ATP8B2: variants seen among roughly 807,000 people sequenced by gnomAD.
ATP8B2 encodes the protein phospholipid-transporting ATPase ID.
Under a neutral mutation model 133.4 loss-of-function variants are expected in ATP8B2, and 70 were observed. The observed-to-expected ratio is 0.52, with a 90% confidence interval of 0.43 to 0.64. The LOEUF is 0.64. ATP8B2 is among the 30% of genes least tolerant of loss of function. The pLI is 0.00. For synonymous variants in ATP8B2, 517 were observed against 589.5 expected, an observed-to-expected ratio of 0.88 and a Z score of 1.78; for missense variants, 1,101 against 1,535.7, an observed-to-expected ratio of 0.72 and a Z score of 4.73.
intron 2 of ATP8B2, 91 bp from the exon 3 acceptor site, chr1:154,330,305 T>C (rs913191831): frequency 8.8e-7 from 1 of 1,142,466 alleles, no homozygotes; most frequent in African/African-American, 1.6e-5. Context: ...CTTAAAATGA[T>C]ATTCTGTGGA....
rs1470438993 is a variant in ATP8B2 at position 154,344,605 on chromosome 1, T to C, written c.2142-36T>C. 3 of 1,607,664 alleles carry C rather than the reference T, an allele frequency of 1.9e-6. No homozygotes were observed. The South Asian group carries it at 3.3e-5, about 18-fold the overall frequency. On this transcript the variant is annotated intron_variant, in intron 20 of 27. Transcript: ENST00000368489. This position sits in a 1 kb window ranked among gnomAD's most constrained non-coding sequence, Gnocchi z 4.1. ...GAATCCCTGCTCCCCACTGCCGTTC[T>C]GGAAGACCACAACCGTATCATTTCC...
chr1:154,332,128 A>G, intron 8 of ATP8B2, 104 bp downstream of exon 8: 1 of 1,186,822 alleles, frequency 8.4e-7, no homozygotes, highest in South Asian at 1.3e-5. Flanking sequence ...TGAATTTGGA[A>G]AAATTAGGGG....
chr1:154,339,159 A>G (rs146414286), intron 12 of ATP8B2, among the ~76,000 whole-genome samples: 18 of 152,304 alleles, frequency 1.2e-4, no homozygotes, highest in Admixed American at 3.3e-4. Context: ...CCAGCCCCCA[A>G]TCTTACTGCT....
intron 26 of ATP8B2, among the ~76,000 whole-genome samples, chr1:154,347,506 G>A (rs1288496151): frequency 1.3e-5 from 2 of 152,130 alleles, no homozygotes; most frequent in African/African-American, 2.4e-5. Flanking sequence ...TTAAAGGGCC[G>A]CTCTTACAGT....
chr1:154,333,745 G>A lies in ATP8B2; in HGVS notation c.590-362G>A, dbSNP rs908662833. Among the ~76,000 whole-genome samples the A allele has an allele frequency of 3.6e-4, 54 of 148,312 alleles. 1 individual carries two copies. The highest frequency in any genetic ancestry group is 1.3e-3 in the African/African-American group (52 of 40,182). ...TACCTCCCAGGTTCAAGCGATCCTC[G>A]TGCCTCAGCCTCCCGATTAGCTAGA... On this transcript the variant is annotated intron_variant, in intron 9 of 27. Coordinates refer to ENST00000368489, the MANE Select transcript of ATP8B2 (RefSeq NM_001370597.1).
intron 15 of ATP8B2, 38 bp downstream of exon 15, chr1:154,342,999 C>T: frequency 6.2e-7 from 1 of 1,608,766 alleles, no homozygotes; most frequent in Middle Eastern, 1.7e-4. Context: ...CCTGACCTGA[C>T]TCTGCCCTTG....
rs1685762428 is a variant in ATP8B2, at chr1:154,325,713, G to A, written c.-38+11G>A. The A allele has an allele frequency of 6.5e-6, 1 of 152,836 alleles. No individual in the cohort carries two copies. Among genetic ancestry groups the A allele is most frequent in the Non-Finnish European group, 1.5e-5 (1 of 68,638 alleles). The allele number at this position is 152,836 out of a possible 1,614,324, so 9.5% of individuals were successfully genotyped here. On this transcript the variant is annotated intron_variant, in intron 1 of 27. Coordinates refer to ENST00000368489, the MANE Select transcript of ATP8B2 (RefSeq NM_001370597.1). ...GCGCTGAGCGCTGAGGTGAGGCGAG[G>A]CGAGGCGAAGCGGGGGCGCCCGGGA...
chr1:154,335,353 A>G (rs1367847510), intron 11 of ATP8B2, among the ~76,000 whole-genome samples: 1 of 152,262 alleles, frequency 6.6e-6, no homozygotes, highest in Middle Eastern at 3.4e-3. Flanking sequence ...CTGGTTTTTT[A>G]CCAGTCTCTC....
In ATP8B2 at chr1:154,346,695, A is replaced by G. The variant is rs1461633686; in HGVS notation, c.3100A>G (p.Ile1034Val). ...GGGAAGCCTTGCTGTTTACTTTGCCATCCTCTTTGCCATGCACAGCAATGG... is the reference window on the plus strand; with the variant it reads ...GGGAAGCCTTGCTGTTTACTTTGCCGTCCTCTTTGCCATGCACAGCAATGG... The part of the protein sequence containing the change: ...IWGSLAVYFA[I>V]LFAMHSNGLF... The change falls in exon 26 of 28, where the codon ATC becomes GTC. Residue 1034 changes from isoleucine to valine, a missense_variant. By Grantham distance (29) the Ile-to-Val change is conservative. Transcript: ENST00000368489. The surrounding 1 kb of genome is among the most constrained non-coding windows in gnomAD (Gnocchi z 4.5). The G allele has an allele frequency of 1.9e-6, 3 of 1,614,050 alleles. No individual in the cohort carries two copies. The highest frequency in any genetic ancestry group is 2.5e-6 in the Non-Finnish European group (3 of 1,180,034).
chr1:154,328,188 A>T lies in ATP8B2; in HGVS notation c.31+16A>T. The stretch of plus-strand genomic sequence containing the variant: ...CGCCCCCCAGGTAAGACAGGCAAGG[A>T]GGGGAGATCCCGGGAACCATCAAGA... On this transcript the variant is annotated intron_variant, in intron 2 of 27. Coordinates refer to ENST00000368489, the MANE Select transcript of ATP8B2 (RefSeq NM_001370597.1). This position sits in a 1 kb window ranked among gnomAD's most constrained non-coding sequence, Gnocchi z 4.6. 6.2e-7 allele frequency: 1 copy of T among 1,610,272 alleles called. No homozygotes were observed. Among genetic ancestry groups the T allele is most frequent in the Non-Finnish European group, 8.5e-7 (1 of 1,176,804 alleles).
chr1:154,346,717 A>G lies in ATP8B2; in HGVS notation c.3122A>G (p.Asn1041Ser), dbSNP rs371660798. 8 of 1,614,066 alleles carry G rather than the reference A, an allele frequency of 5.0e-6. No homozygotes were observed. The highest frequency in any genetic ancestry group is 4.0e-5 in the African/African-American group (3 of 74,910). Residue 1041 changes from asparagine to serine, a missense_variant, in exon 26 of 28, where the codon AAT becomes AGT. Physicochemically the swap from Asn to Ser is conservative, Grantham distance 46 (BLOSUM62 1). Coordinates refer to ENST00000368489, the MANE Select transcript of ATP8B2 (RefSeq NM_001370597.1). The surrounding 1 kb of genome is among the most constrained non-coding windows in gnomAD (Gnocchi z 4.5). ...YFAILFAMHS[N>S]GLFDMFPNQF... ...GCCATCCTCTTTGCCATGCACAGCA[A>G]TGGGCTCTTCGACATGTTTCCCAAC...
Position 154,345,234 on chromosome 1 carries a change from A to G in ATP8B2, c.2470+80A>G. ...ACTGAGGTCTCTGGACTGCAGAAGAATGACGGGAAGGGGGTTGTAACTTGG... is the reference window on the plus strand; with the variant it reads ...ACTGAGGTCTCTGGACTGCAGAAGAGTGACGGGAAGGGGGTTGTAACTTGG... On this transcript the variant is annotated intron_variant, in intron 22 of 27. Transcript: ENST00000368489. This position sits in a 1 kb window ranked among gnomAD's most constrained non-coding sequence, Gnocchi z 5.6. The G allele has an allele frequency of 3.7e-6, 6 of 1,600,996 alleles. 1 individual carries two copies. In the South Asian group the frequency reaches 5.6e-5, roughly 15 times the overall value.
chr1:154,347,183 C>G (rs1686612712), intron 26 of ATP8B2, among the ~76,000 whole-genome samples: 1 of 152,194 alleles, frequency 6.6e-6, no homozygotes, highest in South Asian at 2.1e-4. Flanking sequence ...AGCCACCGTG[C>G]CCAGCTAGCA....
chr1:154,343,924 T>G lies in ATP8B2; in HGVS notation c.1790T>G (p.Val597Gly). The G allele has an allele frequency of 3.1e-6, 5 of 1,613,452 alleles. No homozygotes were observed. The highest frequency in any genetic ancestry group is 4.2e-6 in the Non-Finnish European group (5 of 1,179,700). Reference protein sequence around the residue: ...EYAGEGLRTLVLAYKDLDEEY... With the variant: ...EYAGEGLRTLGLAYKDLDEEY... Reference sequence around the variant, plus strand: ...GCAGGGGAAGGGCTGAGGACCCTGGTGCTGGCCTACAAGGATCTGGATGAA... The same window carrying G: ...GCAGGGGAAGGGCTGAGGACCCTGGGGCTGGCCTACAAGGATCTGGATGAA... Residue 597 changes from valine (V) to glycine (G), a missense_variant, in exon 18 of 28, where the codon GTG (valine) becomes GGG (glycine). Physicochemically the swap from Val to Gly is moderately radical, Grantham distance 109. Coordinates refer to ENST00000368489, the MANE Select transcript of ATP8B2 (RefSeq NM_001370597.1). This position sits in a 1 kb window ranked among gnomAD's most constrained non-coding sequence, Gnocchi z 5.8.
chr1:154,330,273 C>T, intron 2 of ATP8B2, 123 bp from the exon 3 acceptor site: 1 of 753,368 alleles, frequency 1.3e-6, no homozygotes, highest in African/African-American at 1.8e-5. Flanking sequence ...TTTGATGACC[C>T]CCTCAGTTGT....
intron 13 of ATP8B2, chr1:154,341,364 G>T: frequency 2.4e-6 from 1 of 415,540 alleles, no homozygotes. Flanking sequence ...ATGCACCTGT[G>T]GTCTCAGCTG....
rs1396324755 is a variant in ATP8B2 at position 154,332,921 on chromosome 1, G to T, written c.589+224G>T. ...TGGCTGATAGCTCCCCACTTGCTAT[G>T]CATGTTGAGAGAAATTCAGCTTATT... On this transcript the variant is annotated intron_variant, in intron 9 of 27. Coordinates refer to ENST00000368489, the MANE Select transcript of ATP8B2 (RefSeq NM_001370597.1). Among the ~76,000 whole-genome samples the T allele has an allele frequency of 2.6e-5, 4 of 152,284 alleles. No individual in the cohort carries two copies. The South Asian group carries it at 8.3e-4, about 32-fold the overall frequency.
Position 154,346,884 on chromosome 1 carries a change from TA to T in ATP8B2, c.3163+127del, listed in dbSNP as rs1053296832. ...AAGTATTCTGTTTATTTTATTTATT[TA>T]TTTATTTATTTTCGAGAAGGAGTCT... is the stretch of plus-strand genomic sequence containing the variant. On this transcript the variant is annotated intron_variant, in intron 26 of 27. Transcript: ENST00000368489. The surrounding 1 kb of genome is among the most constrained non-coding windows in gnomAD (Gnocchi z 4.5). The T allele has an allele frequency of 2.6e-6, 3 of 1,145,076 alleles. No individual in the cohort carries two copies. Among genetic ancestry groups the T allele is most frequent in the Non-Finnish European group, 3.5e-6 (3 of 850,422 alleles). 70.9% of individuals were successfully genotyped at this position (1,145,076 alleles called of 1,614,324 possible). A position where few individuals can be genotyped will look rare whatever the true frequency, so the allele number is the denominator to read the frequency against.
chr1:154,346,776 C>G lies in ATP8B2; in HGVS notation c.3163+18C>G. On this transcript the variant is annotated intron_variant, in intron 26 of 27. Coordinates refer to ENST00000368489, the MANE Select transcript of ATP8B2 (RefSeq NM_001370597.1). The surrounding 1 kb of genome is among the most constrained non-coding windows in gnomAD (Gnocchi z 4.5). ...GTTTGTGGGTAAGTCCCCGTGGCCT[C>G]CTTGAATCGGTGAGGAATCACAGCT... 7 of 1,613,254 alleles carry G rather than the reference C, an allele frequency of 4.3e-6. No individual in the cohort carries two copies. The highest frequency in any genetic ancestry group is 5.9e-6 in the Non-Finnish European group (7 of 1,179,404).
Sources: gnomAD v4.1 joint callset for allele counts (sites outside exome capture counted in the v4.1 genomes callset) on GRCh38, gnomAD v4.1.1 for gene constraint, Gnocchi (gnomAD v3.1) non-coding constraint, MANE v1.5 for transcripts, NCBI Gene and HGNC (gene_info 2026-07-23, HGNC 2026-07-21) for gene names.